CUX2: variants seen among roughly 807,000 people sequenced by gnomAD.
CUX2 encodes cut like homeobox 2, also known as homeobox protein cut-like 2.
CUX2 carries 40 observed loss-of-function variants against 144.8 expected under a neutral mutation model. The ratio of observed to expected loss-of-function variants is 0.28; its 90% CI spans 0.21 to 0.36. The LOEUF (loss-of-function observed/expected upper bound fraction) is 0.36, where lower values mean the gene tolerates loss of function less well. CUX2 is among the 10% of genes least tolerant of loss of function. The pLI, the probability that CUX2 is intolerant of heterozygous loss-of-function variation, is 1.00. For synonymous variants in CUX2, 827 were observed against 875.6 expected (o/e 0.94, Z 0.98); for missense variants, 1,615 against 1,994.0 (o/e 0.81, Z 3.62).
At chr12:111,194,587 T>G (rs1880118397) in intron 1 of CUX2, among the ~76,000 whole-genome samples, 1 of 152,204 alleles carries the variant, frequency 6.6e-6, no homozygotes, top group Non-Finnish European at 1.5e-5. Context: ...CATTGCAGCC[T>G]CCTGTAGCAG....
intron 1 of CUX2, among the ~76,000 whole-genome samples, chr12:111,110,248 A>C (rs1000268887): frequency 3.9e-5 from 6 of 152,048 alleles, no homozygotes; most frequent in African/African-American, 1.4e-4. Context: ...TGATCCATCC[A>C]TCCCCAGTTG....
intron 1 of CUX2, among the ~76,000 whole-genome samples, chr12:111,056,033 A>G (rs1022612006): frequency 2.0e-5 from 3 of 152,114 alleles, no homozygotes; most frequent in Non-Finnish European, 4.4e-5. Context: ...ATTGTTTGCT[A>G]TGCCCCTGGA....
chr12:111,298,228 G>C (rs1330445229), intron 8 of CUX2, among the ~76,000 whole-genome samples: 1 of 152,238 alleles, frequency 6.6e-6, no homozygotes, highest in Admixed American at 6.5e-5. Context: ...ACTGTGATCA[G>C]GGTTTTAAAG....
chr12:111,122,816 C>T (rs1874772945), intron 1 of CUX2, among the ~76,000 whole-genome samples: 1 of 152,242 alleles, frequency 6.6e-6, no homozygotes, highest in African/African-American at 2.4e-5. Flanking sequence ...TCAGTGCATG[C>T]AGTGAACTTC....
At chr12:111,070,626 T>C (rs1170815721) in intron 1 of CUX2, among the ~76,000 whole-genome samples, 1 of 152,152 alleles carries the variant, frequency 6.6e-6, no homozygotes, top group Admixed American at 6.5e-5. Flanking sequence ...CCAGAGTCTG[T>C]AGTTTACATT....
At chr12:111,218,015 G>A (rs1209112503) in intron 3 of CUX2, 78 bp downstream of exon 3, 2 of 1,513,446 alleles carry the variant, frequency 1.3e-6, no homozygotes, top group Non-Finnish European at 1.8e-6. Context: ...AGTTGCCCAG[G>A]GGGGCCAGCA....
At chr12:111,092,766 A>G (rs1180972182) in intron 1 of CUX2, among the ~76,000 whole-genome samples, 1 of 146,950 alleles carries the variant, frequency 6.8e-6, no homozygotes, top group African/African-American at 2.5e-5. Context: ...GTAGTAATCC[A>G]TATTTATTTT....
At chr12:111,116,602 T>C (rs907571034) in intron 1 of CUX2, among the ~76,000 whole-genome samples, 1 of 152,172 alleles carries the variant, frequency 6.6e-6, no homozygotes, top group Non-Finnish European at 1.5e-5. Context: ...TTACAGGATG[T>C]TGGTGATTCA....
chr12:111,233,048 A>T (rs940733130), intron 3 of CUX2, among the ~76,000 whole-genome samples: 5 of 152,216 alleles, frequency 3.3e-5, no homozygotes, highest in African/African-American at 7.2e-5. Context: ...GAATTGAAGC[A>T]AGAGTAGGGA....
At chr12:111,084,325 A>G (rs1173574855) in intron 1 of CUX2, among the ~76,000 whole-genome samples, 2 of 152,186 alleles carry the variant, frequency 1.3e-5, no homozygotes, top group Non-Finnish European at 2.9e-5. Flanking sequence ...CTAGGGGAGC[A>G]GGTGGAGGGA....
At chr12:111,258,367 G>T (rs1207114549) in intron 3 of CUX2, among the ~76,000 whole-genome samples, 1 of 152,164 alleles carries the variant, frequency 6.6e-6, no homozygotes, top group Non-Finnish European at 1.5e-5. Context: ...ATAAAAATTA[G>T]CCAGGCGTGG....
rs1033020539 is a variant in CUX2 at position 111,035,273 on chromosome 12, A to T, written c.63+1033A>T. ...CTCCTTCCCTAGGGCGACTCTTCGAAACCCCATCACTTTCTCCCCATCCTC... is the reference window on the plus strand; with the variant it reads ...CTCCTTCCCTAGGGCGACTCTTCGATACCCCATCACTTTCTCCCCATCCTC... On this transcript the variant is annotated intron_variant, in intron 1 of 21. Coordinates refer to ENST00000261726, the MANE Select transcript of CUX2 (RefSeq NM_015267.4). This position sits in a 1 kb window ranked among gnomAD's most constrained non-coding sequence, Gnocchi z 6.0. Among the ~76,000 whole-genome samples the T allele has an allele frequency of 2.6e-5, 4 of 152,064 alleles. No individual in the cohort carries two copies. Among genetic ancestry groups the T allele is most frequent in the African/African-American group, 9.7e-5 (4 of 41,388 alleles).
At chr12:111,217,137 C>G (rs1246766491) in intron 2 of CUX2, among the ~76,000 whole-genome samples, 1 of 152,146 alleles carries the variant, frequency 6.6e-6, no homozygotes, top group Non-Finnish European at 1.5e-5. Context: ...GCCCAAGTTG[C>G]TGGGAACCTC....
At chr12:111,195,306 G>T (rs1880170991) in intron 1 of CUX2, among the ~76,000 whole-genome samples, 1 of 151,924 alleles carries the variant, frequency 6.6e-6, no homozygotes, top group Admixed American at 6.6e-5. Context: ...AAAAATGCTG[G>T]TATGTTGGCT....
At chr12:111,314,326 G>C (rs945265293) in intron 16 of CUX2, among the ~76,000 whole-genome samples, 1 of 151,102 alleles carries the variant, frequency 6.6e-6, no homozygotes, top group African/African-American at 2.4e-5. Context: ...ACCTGCCTCG[G>C]CTCCCAAAGT....
chr12:111,224,419 T>C (rs1311385891), intron 3 of CUX2, among the ~76,000 whole-genome samples: 2 of 150,602 alleles, frequency 1.3e-5, no homozygotes, highest in Non-Finnish European at 3.0e-5. Flanking sequence ...CCCAGCCCCA[T>C]GTGCTGCGTC....
chr12:111,164,872 T>C (rs941049446), intron 1 of CUX2, among the ~76,000 whole-genome samples: 14 of 152,168 alleles, frequency 9.2e-5, no homozygotes, highest in African/African-American at 3.4e-4. Context: ...TGTCCCTGCC[T>C]GTACCCCCTG....
At chr12:111,041,973 C>T (rs1222150803) in intron 1 of CUX2, among the ~76,000 whole-genome samples, 1 of 152,216 alleles carries the variant, frequency 6.6e-6, no homozygotes, top group African/African-American at 2.4e-5. Context: ...GGGCCTGTGG[C>T]TGTCCCCCGA....
intron 1 of CUX2, among the ~76,000 whole-genome samples, chr12:111,118,755 C>T (rs1449069739): frequency 6.6e-6 from 1 of 152,162 alleles, no homozygotes; most frequent in Non-Finnish European, 1.5e-5. Flanking sequence ...CTTGGCTGCC[C>T]ATTAAAATCA....
Sources: allele counts gnomAD v4.1 joint callset (sites outside exome capture counted in the v4.1 genomes callset), GRCh38; gene constraint gnomAD v4.1.1; non-coding constraint Gnocchi (gnomAD v3.1); transcripts MANE v1.5; gene names NCBI Gene and HGNC (gene_info 2026-07-23, HGNC 2026-07-21).